Variants in PAX5 observed in about 807,000 individuals in gnomAD.
PAX5 encodes the protein paired box 5.
In PAX5, 9 loss-of-function variants were observed where a neutral mutation model predicts 43.7. The observed-to-expected ratio is 0.21, with a 90% confidence interval of 0.12 to 0.36. The LOEUF (loss-of-function observed/expected upper bound fraction) is 0.36, where lower values mean the gene tolerates loss of function less well. Ranked by LOEUF, PAX5 falls within the 10% of genes least tolerant of loss-of-function variation. The probability of loss-of-function intolerance (pLI) is 1.00; values close to 1 mark genes in which losing one functional copy is unlikely to be tolerated. For missense variants in PAX5, 383 were observed against 532.7 expected (o/e 0.72, Z 2.77); for synonymous variants, 228 against 214.3 (o/e 1.06, Z -0.56).
At chr9:36,932,332 G>A (rs372807673) in intron 6 of PAX5, among the ~76,000 whole-genome samples, 28 of 152,336 alleles carry the variant, frequency 1.8e-4, no homozygotes, top group South Asian at 8.3e-4. Flanking sequence ...GTGACATAAT[G>A]TCTGAAGTTT....
chr9:36,890,150 T>C (rs1827254585), intron 7 of PAX5, among the ~76,000 whole-genome samples: 1 of 152,160 alleles, frequency 6.6e-6, no homozygotes, highest in Non-Finnish European at 1.5e-5. Flanking sequence ...ACCCTTCACT[T>C]TGAATACCAT....
chr9:36,869,409 T>C (rs1734412701), intron 8 of PAX5, among the ~76,000 whole-genome samples: 1 of 152,210 alleles, frequency 6.6e-6, no homozygotes, highest in Middle Eastern at 3.2e-3. Context: ...AATTGTCTCT[T>C]CCTAGATTCC....
chr9:36,898,969 T>A (rs187874743), intron 7 of PAX5, among the ~76,000 whole-genome samples: 25 of 152,208 alleles, frequency 1.6e-4, no homozygotes, highest in Admixed American at 1.4e-3. Context: ...CCACCTCTGA[T>A]CCATGGGACC....
At chr9:37,020,573 G>T (rs992999912) in intron 2 of PAX5, 63 bp downstream of exon 2, 1 of 1,505,948 alleles carries the variant, frequency 6.6e-7, no homozygotes, top group South Asian at 1.1e-5. Flanking sequence ...TTGGACAGCT[G>T]CTGGGTCATG....
rs533940196 is a variant in PAX5, at chr9:36,988,865, A to G, written c.604+13783T>C. On this transcript the variant is annotated intron_variant, in intron 5 of 9. Coordinates refer to ENST00000358127, the MANE Select transcript of PAX5 (RefSeq NM_016734.3). Reference sequence around the variant, plus strand: ...TGCTAATCAAAATATTATAGGCAACATTTTCTAATTACCAGAAAAGGCAGG... The same window carrying G: ...TGCTAATCAAAATATTATAGGCAACGTTTTCTAATTACCAGAAAAGGCAGG... Among the ~76,000 whole-genome samples the G allele has an allele frequency of 5.3e-5, 8 of 152,316 alleles. No individual in the cohort carries two copies. The East Asian group carries it at 1.5e-3, about 29-fold the overall frequency.
At chr9:37,020,330 T>C (rs569425682) in intron 2 of PAX5, among the ~76,000 whole-genome samples, 3 of 152,274 alleles carry the variant, frequency 2.0e-5, no homozygotes, top group South Asian at 4.1e-4. Context: ...GGACCCAGGC[T>C]CACCTAGGAT....
intron 5 of PAX5, among the ~76,000 whole-genome samples, chr9:36,998,786 G>A (rs1313641782): frequency 6.6e-6 from 1 of 152,138 alleles, no homozygotes; most frequent in Non-Finnish European, 1.5e-5. Context: ...TACTACATGT[G>A]TAAAATACAC....
At chr9:36,942,621 G>A (rs766483604) in intron 6 of PAX5, among the ~76,000 whole-genome samples, 1 of 152,218 alleles carries the variant, frequency 6.6e-6, no homozygotes, top group Non-Finnish European at 1.5e-5. Flanking sequence ...CTTTCATACT[G>A]GGCTTTGTTC....
At chr9:36,894,190 G>A (rs1439330754) in intron 7 of PAX5, among the ~76,000 whole-genome samples, 1 of 152,174 alleles carries the variant, frequency 6.6e-6, no homozygotes, top group African/African-American at 2.4e-5. Flanking sequence ...CCCGGGGCTG[G>A]TCCGAAACTT....
intron 4 of PAX5, among the ~76,000 whole-genome samples, chr9:37,005,886 G>C (rs1838342909): frequency 1.3e-5 from 2 of 152,180 alleles, no homozygotes; most frequent in South Asian, 4.1e-4. Flanking sequence ...TTGAGCACTA[G>C]GAAGTATGAC....
intron 6 of PAX5, among the ~76,000 whole-genome samples, chr9:36,944,120 G>T (rs566715127): frequency 6.6e-6 from 1 of 152,244 alleles, no homozygotes; most frequent in East Asian, 1.9e-4. Flanking sequence ...GGAGTTCAAG[G>T]TTACAGTGAA....
chr9:36,939,464 T>C (rs972510669), intron 6 of PAX5, among the ~76,000 whole-genome samples: 9 of 152,192 alleles, frequency 5.9e-5, no homozygotes, highest in Non-Finnish European at 1.3e-4. Context: ...CTCAAGGCTG[T>C]CTCTTTCCAG....
At chr9:36,959,109 G>GTCCACCTTTTACACTGAA (rs1833743872) in intron 6 of PAX5, among the ~76,000 whole-genome samples, 1 of 152,170 alleles carries the variant, frequency 6.6e-6, no homozygotes, top group Admixed American at 6.5e-5. Flanking sequence ...GATTCCTCAG[G>GTCCACCTTTTACACTGAA]GGAACTGCCC....
At chr9:36,984,520 A>C (rs1198473971) in intron 5 of PAX5, among the ~76,000 whole-genome samples, 1 of 138,836 alleles carries the variant, frequency 7.2e-6, no homozygotes, top group Non-Finnish European at 1.5e-5. Context: ...GGCTCACTGC[A>C]ACCTCCACCT....
At chr9:36,934,044 C>T (rs1186162205) in intron 6 of PAX5, among the ~76,000 whole-genome samples, 2 of 152,164 alleles carry the variant, frequency 1.3e-5, no homozygotes, top group Admixed American at 6.5e-5. Context: ...AGATGTTGCC[C>T]GTTTGACCTC....
At chr9:36,975,762 C>T (rs1422111381) in intron 5 of PAX5, among the ~76,000 whole-genome samples, 1 of 152,156 alleles carries the variant, frequency 6.6e-6, no homozygotes, top group Non-Finnish European at 1.5e-5. Flanking sequence ...CTGGAGTTGA[C>T]AAAATAATTT....
At chr9:36,847,789 C>T (rs757673366) in intron 8 of PAX5, among the ~76,000 whole-genome samples, 15 of 152,170 alleles carry the variant, frequency 9.9e-5, no homozygotes, top group African/African-American at 2.7e-4. Flanking sequence ...TCTGGGTGCC[C>T]GTCCCAGGAG....
intron 1 of PAX5, among the ~76,000 whole-genome samples, chr9:37,022,431 A>T (rs753472726): frequency 1.3e-5 from 2 of 152,230 alleles, no homozygotes; most frequent in African/African-American, 4.8e-5. Flanking sequence ...GGTTGTACAG[A>T]TCTTTCAAGA....
intron 5 of PAX5, among the ~76,000 whole-genome samples, chr9:36,974,180 TA>T (rs200616201): frequency 6.6e-6 from 1 of 150,918 alleles, no homozygotes; most frequent in East Asian, 1.9e-4. Context: ...ACTCTGTCTC[TA>T]AAAAAAAACC....
Sources: allele counts gnomAD v4.1 joint callset (sites outside exome capture counted in the v4.1 genomes callset), GRCh38; gene constraint gnomAD v4.1.1; transcripts MANE v1.5; gene names NCBI Gene and HGNC (gene_info 2026-07-23, HGNC 2026-07-21).